ERAP1: variants seen among roughly 807,000 people sequenced by gnomAD.
ERAP1 encodes adipocyte-derived leucine aminopeptidase.
Under a neutral mutation model 103.7 loss-of-function variants are expected in ERAP1, and 86 were observed. That is an observed-to-expected ratio of 0.83 (90% CI 0.70 to 0.99). The LOEUF is 0.99. ERAP1 is among the 50% of genes least tolerant of loss of function. The pLI, the probability that ERAP1 is intolerant of heterozygous loss-of-function variation, is 0.00. For synonymous variants in ERAP1, 398 were observed against 402.4 expected, an observed-to-expected ratio of 0.99 and a Z score of 0.13; for missense variants, 1,009 against 1,128.4, an observed-to-expected ratio of 0.89 and a Z score of 1.52.
At chr5:96,923,231 A>G in the ERAP1 span, among the ~76,000 whole-genome samples, 1 of 152,130 alleles carries the variant, frequency 6.6e-6, no homozygotes, top group African/African-American at 2.4e-5. Flanking sequence ...GGGCTCACAA[A>G]GGGCTAGAAT....
the ERAP1 span, chr5:96,900,247 T>C: frequency 6.2e-7 from 1 of 1,606,090 alleles, no homozygotes; most frequent in Admixed American, 1.7e-5. Context: ...TGACCTAGAG[T>C]GAGTATGACA....
At chr5:96,859,192 T>TG in the ERAP1 span, among the ~76,000 whole-genome samples, 1 of 152,030 alleles carries the variant, frequency 6.6e-6, no homozygotes. Flanking sequence ...TGCAGTTTGT[T>TG]GAATTGGGTC....
chr5:96,859,337 C>T, the ERAP1 span, among the ~76,000 whole-genome samples: 1 of 152,110 alleles, frequency 6.6e-6, no homozygotes, highest in Non-Finnish European at 1.5e-5. Context: ...GCCACATTCA[C>T]CTTCGTGTTC....
the ERAP1 span, among the ~76,000 whole-genome samples, chr5:96,815,694 A>G: frequency 6.6e-6 from 1 of 151,560 alleles, no homozygotes; most frequent in African/African-American, 2.4e-5. Context: ...TTACAGACAC[A>G]CTCAGCCATT....
Position 96,803,795 on chromosome 5 carries a change from C to A in ERAP1, c.132G>T (p.Gly44=), listed in dbSNP as rs372008555. ...STEASPKRSD[G]TPFPWNKIRL... is the part of the protein sequence containing the mutation. ...GTATTTTATTCCAAGGAAATGGTGT[C>A]CCATCACTACGTTTTGGAGATGCTT... The change falls in exon 2 of 19, where the codon GGG becomes GGT. Residue 44 remains glycine, a synonymous_variant. Transcript: ENST00000443439. The A allele has an allele frequency of 3.7e-6, 6 of 1,614,002 alleles. No homozygotes were observed. The East Asian group carries it at 6.7e-5, about 18-fold the overall frequency.
At chr5:96,903,442 A>G in the ERAP1 span, 3 of 1,614,002 alleles carry the variant, frequency 1.9e-6, no homozygotes, top group Non-Finnish European at 2.5e-6. Flanking sequence ...TGGTTACTAC[A>G]TCGTTCACTA....
At chr5:96,797,151 C>T in intron 4 of ERAP1, 24 bp downstream of exon 4, 1 of 1,613,804 alleles carries the variant, frequency 6.2e-7, no homozygotes, top group South Asian at 1.1e-5. Flanking sequence ...AGCTGGTCAC[C>T]ATATGTGACA....
At chr5:96,899,450 A>T in the ERAP1 span, among the ~76,000 whole-genome samples, 1 of 152,226 alleles carries the variant, frequency 6.6e-6, no homozygotes. Context: ...CTTGAGAATG[A>T]GAAGAATTAG....
chr5:96,925,943 C>T, the ERAP1 span, among the ~76,000 whole-genome samples: 4 of 122,766 alleles, frequency 3.3e-5, 1 homozygote, highest in South Asian at 1.0e-3. Context: ...GAGACGGAGT[C>T]TCGCTCTGTC....
At chr5:96,774,262 A>G (rs767278328), downstream of ERAP1, 1 of 154,506 alleles carries the variant, frequency 6.5e-6, no homozygotes, top group Non-Finnish European at 1.5e-5. Flanking sequence ...TGTATCTGGA[A>G]GTATTTTTAA....
At chr5:96,831,726 C>G in the ERAP1 span, among the ~76,000 whole-genome samples, 2 of 152,180 alleles carry the variant, frequency 1.3e-5, no homozygotes, top group African/African-American at 4.8e-5. Context: ...GGAAATGCTG[C>G]TATTTCTTCC....
rs144373640 is a variant in ERAP1 at position 96,803,873 on chromosome 5, G to A, written c.54C>T (p.Ser18=). ...WSLATMSFLL[S]SLLALLTVST... ...ACACAGTTAAGAGAGCCAACAGTGA[G>A]GAAAGTAGAAATGACATGGTTGCAA... The change falls in exon 2 of 19, where the codon TCC becomes TCT. Residue 18 remains serine (S), a synonymous_variant. Coordinates refer to ENST00000443439, the MANE Select transcript of ERAP1 (RefSeq NM_001040458.3). 1.5e-3 allele frequency: 2,361 copies of A among 1,613,088 alleles called. 5 individuals are homozygous for A. The highest frequency in any genetic ancestry group is 1.8e-3 in the Non-Finnish European group (2,104 of 1,180,026).
chr5:96,770,592 A>G, downstream of ERAP1: 1 of 1,610,764 alleles, frequency 6.2e-7, no homozygotes, highest in Non-Finnish European at 8.5e-7. Context: ...AAAGCGAAGG[A>G]TTCAGCAAAG....
At chr5:96,772,444 GCT>G, downstream of ERAP1, 1 of 152,324 alleles carries the variant, frequency 6.6e-6, no homozygotes, top group South Asian at 2.1e-4. Context: ...GAAAAAAGGA[GCT>G]ATATTAGGTA....
At chr5:96,880,288 T>C in the ERAP1 span, 2 of 1,563,054 alleles carry the variant, frequency 1.3e-6, no homozygotes, top group Admixed American at 3.8e-5. Flanking sequence ...TAATTTACAT[T>C]CTTTTGTGAT....
the ERAP1 span, among the ~76,000 whole-genome samples, chr5:96,851,150 G>A: frequency 1.3e-5 from 2 of 152,154 alleles, no homozygotes; most frequent in Admixed American, 1.3e-4. Flanking sequence ...TTATATTATG[G>A]TCTATGTTTA....
chr5:96,779,012 C>A (rs183310498), intron 18 of ERAP1, among the ~76,000 whole-genome samples: 1 of 152,192 alleles, frequency 6.6e-6, no homozygotes, highest in Non-Finnish European at 1.5e-5. Flanking sequence ...ACACAATACT[C>A]CTCTAGATGT....
chr5:96,842,375 G>A, the ERAP1 span, among the ~76,000 whole-genome samples: 1 of 152,170 alleles, frequency 6.6e-6, no homozygotes, highest in Admixed American at 6.5e-5. Flanking sequence ...TGTTTTCCGT[G>A]GCAGTTGTAC....
downstream of ERAP1, chr5:96,773,352 A>G (rs988872393): frequency 6.5e-6 from 1 of 153,388 alleles, no homozygotes; most frequent in Non-Finnish European, 1.5e-5. Context: ...TAAAGGTTAG[A>G]TAAGTCCTTG....
Sources: gnomAD v4.1 joint callset for allele counts (sites outside exome capture counted in the v4.1 genomes callset) on GRCh38, gnomAD v4.1.1 for gene constraint, MANE v1.5 for transcripts, NCBI Gene and HGNC (gene_info 2026-07-23, HGNC 2026-07-21) for gene names.